KCNIP4: variants seen among roughly 807,000 people sequenced by gnomAD.
KCNIP4 encodes the protein Kv channel-interacting protein 4.
KCNIP4 carries 12 observed loss-of-function variants against 34.0 expected under a neutral mutation model. The observed-to-expected ratio is 0.35, with a 90% CI of 0.23 to 0.57. The LOEUF is 0.57. Ranked by LOEUF, KCNIP4 falls within the 20% of genes least tolerant of loss-of-function variation. KCNIP4 has a pLI of 0.83. For missense variants in KCNIP4, 238 were observed against 311.7 expected (o/e 0.76, Z 1.78); for synonymous variants, 124 against 102.2 (o/e 1.21, Z -1.29).
At chr4:21,066,979 C>T (rs1744455233) in intron 1 of KCNIP4, among the ~76,000 whole-genome samples, 1 of 152,018 alleles carries the variant, frequency 6.6e-6, no homozygotes, top group South Asian at 2.1e-4. Flanking sequence ...GTTCACAGCT[C>T]CAAAAGAGAC....
intron 3 of KCNIP4, among the ~76,000 whole-genome samples, chr4:20,833,192 A>C (rs1718634847): frequency 6.6e-6 from 1 of 152,268 alleles, no homozygotes; most frequent in Non-Finnish European, 1.5e-5. Flanking sequence ...TGCGGTGCAC[A>C]TTAGACATCA....
At chr4:21,453,557 C>A (rs1468750913) in intron 1 of KCNIP4, among the ~76,000 whole-genome samples, 1 of 151,948 alleles carries the variant, frequency 6.6e-6, no homozygotes, top group African/African-American at 2.4e-5. Context: ...CTTCTTCATG[C>A]CAGTCTCACC....
At chr4:20,779,590 C>A (rs1298721528) in intron 3 of KCNIP4, among the ~76,000 whole-genome samples, 68 of 102,126 alleles carry the variant, frequency 6.7e-4, no homozygotes, top group South Asian at 1.3e-3. Flanking sequence ...CCCCCCCCCA[C>A]ACAAAAAAGA....
chr4:21,385,606 A>C (rs1054744616), intron 1 of KCNIP4, among the ~76,000 whole-genome samples: 1 of 152,188 alleles, frequency 6.6e-6, no homozygotes, highest in Non-Finnish European at 1.5e-5. Context: ...GAATAGCAAA[A>C]GGATTCACAT....
chr4:21,920,181 G>A lies in KCNIP4; in HGVS notation c.61+28390C>T, dbSNP rs186158176. On this transcript the variant is annotated intron_variant, in intron 1 of 8. Coordinates refer to ENST00000382152, the MANE Select transcript of KCNIP4 (RefSeq NM_025221.6). Reference sequence around the variant, plus strand: ...TGGAACTGTTAATAAATATGCAAAGGGTCAAATCATACCAAAATAGACAAA... The same window carrying A: ...TGGAACTGTTAATAAATATGCAAAGAGTCAAATCATACCAAAATAGACAAA... Among the ~76,000 whole-genome samples, 36 of 152,058 alleles carry A rather than the reference G, an allele frequency of 2.4e-4. No individual in the cohort carries two copies. In the East Asian group the frequency reaches 7.0e-3, roughly 29 times the overall value.
At chr4:21,328,457 G>A (rs1715304986) in intron 1 of KCNIP4, among the ~76,000 whole-genome samples, 1 of 152,140 alleles carries the variant, frequency 6.6e-6, no homozygotes, top group African/African-American at 2.4e-5. Flanking sequence ...GCCTGGAGCT[G>A]GGGGTGGAGT....
At chr4:20,750,895 T>C (rs1258502605) in intron 4 of KCNIP4, among the ~76,000 whole-genome samples, 1 of 152,222 alleles carries the variant, frequency 6.6e-6, no homozygotes, top group African/African-American at 2.4e-5. Flanking sequence ...TATTGGGTTT[T>C]AACTTATCAT....
In KCNIP4 at chr4:21,007,072, T is replaced by C. The variant is rs76198782; in HGVS notation, c.62-124363A>G. On this transcript the variant is annotated intron_variant, in intron 1 of 8. Coordinates refer to ENST00000382152, the MANE Select transcript of KCNIP4 (RefSeq NM_025221.6). ...CAGTGGTTCTCAGTAGAATCACCAG[T>C]AGAACTTAAAATAATATGAACACAA... Among the ~76,000 whole-genome samples, 1,389 of 152,252 alleles carry C rather than the reference T, an allele frequency of 9.1e-3. 16 individuals are homozygous for C. The highest frequency in any genetic ancestry group is 0.032 in the African/African-American group (1,329 of 41,540).
chr4:21,430,000 T>G (rs1726295986), intron 1 of KCNIP4, among the ~76,000 whole-genome samples: 1 of 152,102 alleles, frequency 6.6e-6, no homozygotes, highest in Non-Finnish European at 1.5e-5. Flanking sequence ...TAAAAGAAAA[T>G]TATAAAATCA....
intron 1 of KCNIP4, among the ~76,000 whole-genome samples, chr4:20,999,232 A>G (rs1737838612): frequency 6.6e-6 from 1 of 152,150 alleles, no homozygotes; most frequent in Non-Finnish European, 1.5e-5. Flanking sequence ...ATCATACTTC[A>G]TCTTAGACAT....
At chr4:21,669,300 T>C (rs554742014) in intron 1 of KCNIP4, among the ~76,000 whole-genome samples, 8 of 152,206 alleles carry the variant, frequency 5.3e-5, no homozygotes, top group African/African-American at 1.2e-4. Flanking sequence ...AGTCTCACTT[T>C]GTTGCCCAGG....
intron 7 of KCNIP4, 120 bp from the exon 8 acceptor site, chr4:20,732,188 G>A: frequency 1.4e-6 from 1 of 697,942 alleles, no homozygotes; most frequent in Non-Finnish European, 2.4e-6. Flanking sequence ...TCACGTGGAG[G>A]AACTGTTTCA....
At chr4:21,760,072 T>C (rs1717940791) in intron 1 of KCNIP4, among the ~76,000 whole-genome samples, 1 of 152,054 alleles carries the variant, frequency 6.6e-6, no homozygotes, top group Admixed American at 6.6e-5. Context: ...AATAGAAATA[T>C]TGAATATAAA....
chr4:21,255,176 A>T (rs1760981802), intron 1 of KCNIP4, among the ~76,000 whole-genome samples: 1 of 152,012 alleles, frequency 6.6e-6, no homozygotes, highest in Non-Finnish European at 1.5e-5. Flanking sequence ...CCTGTGTCCC[A>T]TCCCTTCTCA....
At chr4:21,012,427 T>TA (rs1560644690) in intron 1 of KCNIP4, among the ~76,000 whole-genome samples, 1 of 151,738 alleles carries the variant, frequency 6.6e-6, no homozygotes, top group African/African-American at 2.4e-5. Flanking sequence ...AAAATAAAAA[T>TA]AAAAAAATAA....
At chr4:21,102,950 A>G (rs959943156) in intron 1 of KCNIP4, among the ~76,000 whole-genome samples, 2 of 152,148 alleles carry the variant, frequency 1.3e-5, no homozygotes, top group Non-Finnish European at 2.9e-5. Context: ...CAAACCACAG[A>G]TTGGCTGGTA....
chr4:21,644,165 A>T (rs1348423585), intron 1 of KCNIP4, among the ~76,000 whole-genome samples: 1 of 152,196 alleles, frequency 6.6e-6, no homozygotes. Flanking sequence ...TCAAGATTGC[A>T]ATGTAGTTAC....
At chr4:20,978,984 G>A (rs1417787103) in intron 1 of KCNIP4, among the ~76,000 whole-genome samples, 1 of 152,022 alleles carries the variant, frequency 6.6e-6, no homozygotes, top group Non-Finnish European at 1.5e-5. Flanking sequence ...ATGAATATAT[G>A]ACAATTCATT....
rs554840535 is a variant in KCNIP4 at position 21,629,585 on chromosome 4, C to A, written c.61+318986G>T. Among the ~76,000 whole-genome samples the A allele has an allele frequency of 3.9e-5, 6 of 152,208 alleles. No individual in the cohort carries two copies. In the East Asian group the frequency reaches 9.7e-4, roughly 25 times the overall value. On this transcript the variant is annotated intron_variant, in intron 1 of 8. Transcript: ENST00000382152. ...ATGTGTGAAAAATGCTACAGTGTCC[C>A]TTTATGAGATATTAAAACTGTATGT...
Sources: gnomAD v4.1 joint callset for allele counts (sites outside exome capture counted in the v4.1 genomes callset) on GRCh38, gnomAD v4.1.1 for gene constraint, MANE v1.5 for transcripts, NCBI Gene and HGNC (gene_info 2026-07-23, HGNC 2026-07-21) for gene names.